FLI1: variants seen among roughly 807,000 people sequenced by gnomAD.
FLI1 encodes the protein Fli-1 proto-oncogene, ETS transcription factor, also known as Friend leukemia integration 1 transcription factor.
A neutral mutation model predicts 53.1 loss-of-function variants in FLI1; 13 were observed. The observed-to-expected ratio is 0.24, with a 90% CI of 0.16 to 0.39. FLI1 has a LOEUF of 0.39. Among genes scored for constraint, FLI1 ranks in the 10% least tolerant of loss-of-function variants. The pLI is 1.00. For synonymous variants in FLI1, 244 were observed against 236.7 expected, an observed-to-expected ratio of 1.03 and a Z score of -0.28; for missense variants, 424 against 600.5, an observed-to-expected ratio of 0.71 and a Z score of 3.07.
intron 2 of FLI1, among the ~76,000 whole-genome samples, chr11:128,764,069 T>C (rs1941235618): frequency 6.6e-6 from 1 of 152,170 alleles, no homozygotes. Flanking sequence ...GAACATCAGG[T>C]ATCCTTTGAC....
chr11:128,739,375 G>A (rs1278251701), intron 1 of FLI1, among the ~76,000 whole-genome samples: 2 of 152,222 alleles, frequency 1.3e-5, no homozygotes, highest in East Asian at 1.9e-4. Flanking sequence ...AGTAGGTAGA[G>A]AGGGAAAGGG....
chr11:128,807,963 A>C (rs1942829625), intron 7 of FLI1, among the ~76,000 whole-genome samples: 1 of 152,188 alleles, frequency 6.6e-6, no homozygotes, highest in Non-Finnish European at 1.5e-5. Flanking sequence ...TATGTGATGC[A>C]GCTGAGATGA....
intron 7 of FLI1, 134 bp downstream of exon 7, chr11:128,807,373 G>T (rs906060113): frequency 1.7e-5 from 9 of 517,070 alleles, no homozygotes; most frequent in Admixed American, 1.6e-4. Context: ...GTCTATCTTT[G>T]ACCCTAATAG....
chr11:128,765,026 G>T (rs993796660), intron 2 of FLI1, among the ~76,000 whole-genome samples: 1 of 151,884 alleles, frequency 6.6e-6, no homozygotes, highest in Admixed American at 6.6e-5. Context: ...CTGTCCAGCT[G>T]GAGAGCAGGT....
At chr11:128,766,812 C>T (rs1467258179) in intron 2 of FLI1, among the ~76,000 whole-genome samples, 1 of 152,016 alleles carries the variant, frequency 6.6e-6, no homozygotes, top group African/African-American at 2.4e-5. Flanking sequence ...GTTATGCGGC[C>T]TAGAGTTGGA....
rs75689224 is a variant in FLI1 at position 128,706,637 on chromosome 11, A to T, written c.18+12361A>T. Among the ~76,000 whole-genome samples the T allele has an allele frequency of 3.0e-3, 461 of 152,294 alleles. 1 individual carries two copies. Among genetic ancestry groups the T allele is most frequent in the African/African-American group, 0.011 (437 of 41,552 alleles). On this transcript the variant is annotated intron_variant, in intron 1 of 8. Coordinates refer to ENST00000527786, the MANE Select transcript of FLI1 (RefSeq NM_002017.5). ...TTCATGCCCCCAAACACCACGCTCT[A>T]CAATGAGGGTGTTTTCTGGAGCAAA...
intron 4 of FLI1, among the ~76,000 whole-genome samples, chr11:128,778,774 C>A (rs1379989563): frequency 2.0e-5 from 3 of 152,184 alleles, no homozygotes; most frequent in Non-Finnish European, 4.4e-5. Context: ...AGGCCTGTGG[C>A]AGGGTCAGGC....
chr11:128,724,517 T>C lies in FLI1; in HGVS notation c.18+30241T>C, dbSNP rs1020738258. 7.9e-5 allele frequency among the ~76,000 whole-genome samples: 12 copies of C among 152,160 alleles called. No homozygotes were observed. In the East Asian group the frequency reaches 1.3e-3, roughly 17 times the overall value. On this transcript the variant is annotated intron_variant, in intron 1 of 8. Coordinates refer to ENST00000527786, the MANE Select transcript of FLI1 (RefSeq NM_002017.5). ...ATGTGACAACTCACATTTTGTTCAA[T>C]TGAGTTAAATAAGCACTTATAGAGT...
intron 5 of FLI1, among the ~76,000 whole-genome samples, chr11:128,801,170 C>T (rs1340760453): frequency 1.3e-5 from 2 of 152,230 alleles, no homozygotes; most frequent in African/African-American, 4.8e-5. Flanking sequence ...GGCCTCCATG[C>T]ACGCTCAGGC....
At chr11:128,693,941 CGAGAGAGAGAGAGAGAGAGAGAGAGAGA>C (rs57930585), upstream of FLI1, 21 of 176,744 alleles carry the variant, frequency 1.2e-4, no homozygotes, top group Non-Finnish European at 1.6e-4. Flanking sequence ...GAGCTCGAGG[CGAGAGAGAGAGAGAGAGAGAGAGAGAGA>C]GAGAGAGAGA....
At chr11:128,710,756 A>G (rs1938753732) in intron 1 of FLI1, among the ~76,000 whole-genome samples, 1 of 152,244 alleles carries the variant, frequency 6.6e-6, no homozygotes, top group African/African-American at 2.4e-5. Context: ...ATAAAAAAAT[A>G]TAATCTCTTC....
intron 1 of FLI1, among the ~76,000 whole-genome samples, chr11:128,752,377 G>T (rs1455954581): frequency 6.6e-6 from 1 of 152,128 alleles, no homozygotes; most frequent in Non-Finnish European, 1.5e-5. Flanking sequence ...TACCAGATCA[G>T]GTACTGATAT....
chr11:128,686,159 A>G, upstream of FLI1: 1 of 359,908 alleles, frequency 2.8e-6, no homozygotes, highest in Non-Finnish European at 5.5e-6. Flanking sequence ...AGGTCTGTGC[A>G]CTGAGGGGCG....
At position 128,734,270 on chromosome 11, in the gene FLI1, C is replaced by T. The variant is rs369483600; in HGVS notation, c.19-23845C>T. On this transcript the variant is annotated intron_variant, in intron 1 of 8. Transcript: ENST00000527786. ...CAGCCAAAACGTTTGGAGGAGGCTG[C>T]GCTGTCCACGTCCACAGTGCTCTGA... Among the ~76,000 whole-genome samples, 31 of 152,296 alleles carry T rather than the reference C, an allele frequency of 2.0e-4. No individual in the cohort carries two copies. The East Asian group carries it at 2.5e-3, about 12-fold the overall frequency.
chr11:128,769,738 C>G (rs1389502969), intron 3 of FLI1, among the ~76,000 whole-genome samples: 1 of 152,202 alleles, frequency 6.6e-6, no homozygotes, highest in African/African-American at 2.4e-5. Flanking sequence ...GAATCACTTC[C>G]ATTTATTGAG....
intron 1 of FLI1, among the ~76,000 whole-genome samples, chr11:128,713,686 G>A (rs1334999884): frequency 6.6e-6 from 1 of 152,160 alleles, no homozygotes; most frequent in African/African-American, 2.4e-5. Context: ...GAAGTATGGG[G>A]TGCCTCGGGA....
At chr11:128,704,400 G>A (rs555576536) in intron 1 of FLI1, among the ~76,000 whole-genome samples, 3 of 152,146 alleles carry the variant, frequency 2.0e-5, no homozygotes, top group African/African-American at 4.8e-5. Context: ...ATCCCTTTCC[G>A]TTAATGCAAA....
intron 4 of FLI1, among the ~76,000 whole-genome samples, chr11:128,776,315 G>C (rs1481535575): frequency 6.6e-6 from 1 of 152,138 alleles, no homozygotes; most frequent in Non-Finnish European, 1.5e-5. Flanking sequence ...AATGCAAGGA[G>C]GACTGTGATG....
At chr11:128,716,318 C>T (rs1445944313) in intron 1 of FLI1, among the ~76,000 whole-genome samples, 1 of 152,134 alleles carries the variant, frequency 6.6e-6, no homozygotes, top group Non-Finnish European at 1.5e-5. Flanking sequence ...AACAGATCCT[C>T]AGCAGCAGGA....
Sources: gnomAD v4.1 joint callset for allele counts (sites outside exome capture counted in the v4.1 genomes callset) on GRCh38, gnomAD v4.1.1 for gene constraint, MANE v1.5 for transcripts, NCBI Gene and HGNC (gene_info 2026-07-23, HGNC 2026-07-21) for gene names.